STK33: variants seen among roughly 807,000 people sequenced by gnomAD.
STK33 encodes serine/threonine kinase 33, also known as serine/threonine-protein kinase 33.
A neutral mutation model predicts 58.0 loss-of-function variants in STK33; 52 were observed. The observed-to-expected ratio is 0.90, with a 90% CI of 0.72 to 1.13. The LOEUF is 1.13. STK33 is among the 50% of genes most tolerant of loss of function. The pLI, the probability that STK33 is intolerant of heterozygous loss-of-function variation, is 0.00. For missense variants in STK33, 630 were observed against 604.2 expected (o/e 1.04, Z -0.45); for synonymous variants, 215 against 200.1 (o/e 1.07, Z -0.63).
intron 1 of STK33, among the ~76,000 whole-genome samples, chr11:8,482,612 T>C (rs1437267764): frequency 5.3e-5 from 8 of 152,234 alleles, no homozygotes; most frequent in African/African-American, 1.7e-4. Flanking sequence ...ATACAATTTT[T>C]AGAATGAGAG....
At chr11:8,575,288 T>C (rs148290294) in intron 1 of STK33, among the ~76,000 whole-genome samples, 23 of 152,236 alleles carry the variant, frequency 1.5e-4, no homozygotes, top group African/African-American at 5.1e-4. Context: ...CTCAAACAGA[T>C]ACCTGTACAG....
chr11:8,418,029 T>C (rs1207940581), intron 14 of STK33, among the ~76,000 whole-genome samples: 1 of 152,168 alleles, frequency 6.6e-6, no homozygotes, highest in African/African-American at 2.4e-5. Flanking sequence ...AATTTAAATA[T>C]TCACAGGGAC....
At chr11:8,443,658 G>C (rs1376503574) in intron 11 of STK33, among the ~76,000 whole-genome samples, 1 of 149,476 alleles carries the variant, frequency 6.7e-6, no homozygotes, top group African/African-American at 2.5e-5. Context: ...GCATTTCATA[G>C]AAAATAAGCC....
At chr11:8,433,042 A>T (rs1195346644) in intron 14 of STK33, among the ~76,000 whole-genome samples, 1 of 152,220 alleles carries the variant, frequency 6.6e-6, no homozygotes, top group Non-Finnish European at 1.5e-5. Flanking sequence ...AAAAGAGATA[A>T]ATTTCTAAGG....
At chr11:8,415,092 C>T (rs920817473) in intron 14 of STK33, among the ~76,000 whole-genome samples, 2 of 152,078 alleles carry the variant, frequency 1.3e-5, no homozygotes, top group African/African-American at 2.4e-5. Context: ...TCTCTTACAA[C>T]TTCTTGGCTT....
chr11:8,467,785 A>G (rs1948363187), intron 6 of STK33: 2 of 152,276 alleles, frequency 1.3e-5, no homozygotes, highest in Admixed American at 1.3e-4. Flanking sequence ...TGTCTACTAA[A>G]AATACAAAAA....
At chr11:8,483,047 T>C (rs1213637796) in intron 1 of STK33, among the ~76,000 whole-genome samples, 2 of 152,158 alleles carry the variant, frequency 1.3e-5, no homozygotes, top group African/African-American at 4.8e-5. Context: ...AACTATCTTA[T>C]GTAATTGTTG....
In STK33 at chr11:8,507,555, GA is replaced by G. The variant is rs747668404; in HGVS notation, c.-465-26942del. On this transcript the variant is annotated intron_variant, in intron 1 of 15. Coordinates refer to ENST00000687296, the MANE Select transcript of STK33 (RefSeq NM_001352389.2). ...GACTCCTGTGGTAAAGGTGAAGGAG[GA>G]AGGAGGAAATATAGAGCATGTCTAT... Among the ~76,000 whole-genome samples the G allele has an allele frequency of 4.3e-4, 65 of 152,142 alleles. 1 individual carries two copies. The highest frequency in any genetic ancestry group is 1.0e-4 in the Non-Finnish European group (7 of 68,016).
At chr11:8,428,266 C>T (rs538802659) in intron 14 of STK33, among the ~76,000 whole-genome samples, 2 of 152,352 alleles carry the variant, frequency 1.3e-5, no homozygotes, top group East Asian at 1.9e-4. Context: ...TTCAGTGCTG[C>T]TCCGACTTTA....
At chr11:8,429,807 C>T (rs1450676590) in intron 14 of STK33, among the ~76,000 whole-genome samples, 3 of 152,172 alleles carry the variant, frequency 2.0e-5, no homozygotes, top group Non-Finnish European at 2.9e-5. Flanking sequence ...GGTTCACCTC[C>T]TCGTTAAGAC....
the STK33 span, among the ~76,000 whole-genome samples, chr11:8,378,083 A>G: frequency 6.6e-6 from 1 of 152,236 alleles, no homozygotes; most frequent in Non-Finnish European, 1.5e-5. Context: ...TGGGTAATTT[A>G]TAAAGGAAAG....
At chr11:8,457,544 T>TATATCAC in intron 8 of STK33, 65 bp from the exon 9 acceptor site, 2 of 1,294,746 alleles carry the variant, frequency 1.5e-6, no homozygotes, top group South Asian at 3.2e-5. Context: ...TAAAATGTTA[T>TATATCAC]ATATCACATA....
At chr11:8,404,798 T>G (rs1359181001) in intron 15 of STK33, among the ~76,000 whole-genome samples, 3 of 152,248 alleles carry the variant, frequency 2.0e-5, no homozygotes, top group African/African-American at 7.2e-5. Flanking sequence ...ACAAATCTTT[T>G]TGTGAACTTG....
At chr11:8,357,812 G>A in the STK33 span, among the ~76,000 whole-genome samples, 3 of 152,236 alleles carry the variant, frequency 2.0e-5, no homozygotes, top group African/African-American at 7.2e-5. Flanking sequence ...AACTGGAGTA[G>A]GGGAGCTCTA....
chr11:8,423,090 C>T lies in STK33; in HGVS notation c.1147-9398G>A, dbSNP rs1053987567. Among the ~76,000 whole-genome samples, 4 of 151,694 alleles carry T rather than the reference C, an allele frequency of 2.6e-5. No homozygotes were observed. In the East Asian group the frequency reaches 5.8e-4, roughly 22 times the overall value. On this transcript the variant is annotated intron_variant, in intron 14 of 15. Transcript: ENST00000687296. ...CTCCTGGACTCAAGCAATCCACCCGCCTTGGCCTCCCAAAGTGCTAGGATT... is the reference window on the plus strand; with the variant it reads ...CTCCTGGACTCAAGCAATCCACCCGTCTTGGCCTCCCAAAGTGCTAGGATT...
intron 1 of STK33, among the ~76,000 whole-genome samples, chr11:8,586,232 A>T (rs1423046883): frequency 6.6e-6 from 1 of 151,756 alleles, no homozygotes; most frequent in African/African-American, 2.4e-5. Context: ...AAAAAAAAAA[A>T]AAAAACACCT....
At chr11:8,573,358 G>A (rs748343935) in intron 1 of STK33, among the ~76,000 whole-genome samples, 5 of 152,158 alleles carry the variant, frequency 3.3e-5, no homozygotes, top group Non-Finnish European at 7.4e-5. Flanking sequence ...ATTAGGCTTT[G>A]GGGAAATGTG....
At chr11:8,582,158 T>C (rs1465793650) in intron 1 of STK33, among the ~76,000 whole-genome samples, 2 of 152,214 alleles carry the variant, frequency 1.3e-5, no homozygotes, top group Non-Finnish European at 2.9e-5. Context: ...GTTGGCTCTA[T>C]TTTGAAGACT....
At chr11:8,581,500 G>A (rs1408039686) in intron 1 of STK33, among the ~76,000 whole-genome samples, 1 of 152,058 alleles carries the variant, frequency 6.6e-6, no homozygotes, top group East Asian at 1.9e-4. Context: ...GATGACTTTC[G>A]GTTTCACAAT....
Sources: gnomAD v4.1 joint callset for allele counts (sites outside exome capture counted in the v4.1 genomes callset) on GRCh38, gnomAD v4.1.1 for gene constraint, MANE v1.5 for transcripts, NCBI Gene and HGNC (gene_info 2026-07-23, HGNC 2026-07-21) for gene names.